Variants in SGCZ observed in about 807,000 individuals in gnomAD.
SGCZ encodes sarcoglycan zeta, also known as zeta-sarcoglycan.
SGCZ carries 40 observed loss-of-function variants against 41.3 expected under a neutral mutation model. That is an observed-to-expected ratio of 0.97 (90% CI 0.75 to 1.26). The LOEUF (loss-of-function observed/expected upper bound fraction) is 1.26, where lower values mean the gene tolerates loss of function less well. Among genes scored for constraint, SGCZ ranks in the 50% most tolerant of loss-of-function variants. The pLI is 0.00. For missense variants in SGCZ, 552 were observed against 369.8 expected (o/e 1.49, Z -4.04); for synonymous variants, 206 against 137.5 (o/e 1.50, Z -3.49).
rs574997277 is a variant in SGCZ, at chr8:14,621,500, T to G, written c.40-66574A>C. ...CAAAAAAAATAAAAATAAAATAAAA[T>G]AAAATACAAACTCAAAACAAAAAAA... On this transcript the variant is annotated intron_variant, in intron 1 of 7. Transcript: ENST00000382080. Among the ~76,000 whole-genome samples, 4 of 151,512 alleles carry G rather than the reference T, an allele frequency of 2.6e-5. No individual in the cohort carries two copies. The South Asian group carries it at 8.4e-4, about 32-fold the overall frequency.
chr8:15,042,621 G>C (rs1249361462), intron 1 of SGCZ, among the ~76,000 whole-genome samples: 6 of 152,010 alleles, frequency 3.9e-5, no homozygotes, highest in African/African-American at 1.5e-4. Flanking sequence ...GCCACTTTTG[G>C]ACAGTTTTCT....
In SGCZ at chr8:14,691,161, A is replaced by G. The variant is rs968794946; in HGVS notation, c.40-136235T>C. On this transcript the variant is annotated intron_variant, in intron 1 of 7. Coordinates refer to ENST00000382080, the MANE Select transcript of SGCZ (RefSeq NM_139167.4). ...ACATAACAGGATGTCTTTTTCTTCAATGATGAATGAAGTCTATCTAGATGA... is the reference window on the plus strand; with the variant it reads ...ACATAACAGGATGTCTTTTTCTTCAGTGATGAATGAAGTCTATCTAGATGA... 9.2e-5 allele frequency among the ~76,000 whole-genome samples: 14 copies of G among 152,214 alleles called. No homozygotes were observed. In the East Asian group the frequency reaches 1.5e-3, roughly 17 times the overall value.
intron 1 of SGCZ, among the ~76,000 whole-genome samples, chr8:14,803,093 C>T (rs1801379947): frequency 6.6e-6 from 1 of 152,158 alleles, no homozygotes; most frequent in Non-Finnish European, 1.5e-5. Flanking sequence ...CCCATGGGGC[C>T]TCAGGCAGTC....
At chr8:14,948,723 C>T (rs1326065510) in intron 1 of SGCZ, among the ~76,000 whole-genome samples, 1 of 152,166 alleles carries the variant, frequency 6.6e-6, no homozygotes, top group African/African-American at 2.4e-5. Flanking sequence ...CAACATTTCA[C>T]AAGACTAAGC....
intron 2 of SGCZ, among the ~76,000 whole-genome samples, chr8:14,337,643 G>A (rs1802550251): frequency 6.6e-6 from 1 of 152,172 alleles, no homozygotes; most frequent in Admixed American, 6.5e-5. Flanking sequence ...ATAGTGGAAT[G>A]AACATACTGG....
At chr8:14,714,170 T>C (rs1248264298) in intron 1 of SGCZ, among the ~76,000 whole-genome samples, 2 of 152,126 alleles carry the variant, frequency 1.3e-5, no homozygotes, top group Non-Finnish European at 2.9e-5. Context: ...GGTTTCACCA[T>C]GTTGGCCAGG....
At chr8:15,151,220 T>C (rs1221024034) in intron 1 of SGCZ, among the ~76,000 whole-genome samples, 3 of 152,196 alleles carry the variant, frequency 2.0e-5, no homozygotes, top group African/African-American at 7.2e-5. Flanking sequence ...CCTATTCTAA[T>C]CAAGGCTTCA....
At chr8:15,179,829 A>G (rs1211490003) in intron 1 of SGCZ, among the ~76,000 whole-genome samples, 1 of 152,192 alleles carries the variant, frequency 6.6e-6, no homozygotes, top group African/African-American at 2.4e-5. Flanking sequence ...TAGCAGAAGT[A>G]AAGGTACTTT....
chr8:14,534,111 C>T (rs191136806), intron 2 of SGCZ, among the ~76,000 whole-genome samples: 3 of 152,048 alleles, frequency 2.0e-5, no homozygotes, highest in South Asian at 2.1e-4. Context: ...ATACATCCTT[C>T]GGGAATCTAG....
chr8:14,170,650 A>G (rs186888711), intron 4 of SGCZ, among the ~76,000 whole-genome samples: 2 of 152,238 alleles, frequency 1.3e-5, no homozygotes, highest in Non-Finnish European at 2.9e-5. Context: ...ATATGTACAA[A>G]ATATTGTTTT....
chr8:14,872,696 C>G (rs1173447234), intron 1 of SGCZ, among the ~76,000 whole-genome samples: 1 of 152,080 alleles, frequency 6.6e-6, no homozygotes, highest in African/African-American at 2.4e-5. Flanking sequence ...ATCAACTAAA[C>G]TAACTTGTCT....
At chr8:14,897,781 C>T (rs1234464841) in intron 1 of SGCZ, among the ~76,000 whole-genome samples, 1 of 152,006 alleles carries the variant, frequency 6.6e-6, no homozygotes, top group African/African-American at 2.4e-5. Flanking sequence ...TGTCTCTATC[C>T]TTAGAAATAT....
At chr8:14,818,184 G>C (rs1417224088) in intron 1 of SGCZ, among the ~76,000 whole-genome samples, 1 of 152,064 alleles carries the variant, frequency 6.6e-6, no homozygotes, top group Non-Finnish European at 1.5e-5. Flanking sequence ...CATGAGCTCA[G>C]CTTAACAGCC....
At chr8:14,711,304 T>C (rs968971867) in intron 1 of SGCZ, among the ~76,000 whole-genome samples, 13 of 151,942 alleles carry the variant, frequency 8.6e-5, no homozygotes, top group South Asian at 8.3e-4. Flanking sequence ...AATGTACATA[T>C]GTTGGCCAGG....
intron 1 of SGCZ, among the ~76,000 whole-genome samples, chr8:14,831,554 GTTCAAC>G (rs1344963103): frequency 6.6e-6 from 1 of 151,808 alleles, no homozygotes; most frequent in African/African-American, 2.4e-5. Flanking sequence ...TGGGAAACAT[GTTCAAC>G]TTCATTAAGT....
chr8:14,467,093 ACT>A (rs1276004802), intron 2 of SGCZ, among the ~76,000 whole-genome samples: 1 of 151,022 alleles, frequency 6.6e-6, no homozygotes, highest in Non-Finnish European at 1.5e-5. Flanking sequence ...ATTCTTATAG[ACT>A]CTTCCCTTTT....
At chr8:15,172,152 C>CTTTT (rs1799851364) in intron 1 of SGCZ, among the ~76,000 whole-genome samples, 1 of 70,560 alleles carries the variant, frequency 1.4e-5, no homozygotes, top group African/African-American at 5.4e-5. Flanking sequence ...CTTTTATACT[C>CTTTT]TGTTTTTTTT....
intron 1 of SGCZ, among the ~76,000 whole-genome samples, chr8:15,032,907 C>G (rs1392864033): frequency 6.6e-6 from 1 of 151,794 alleles, no homozygotes; most frequent in African/African-American, 2.4e-5. Context: ...GGCTCCAGGC[C>G]TACCCCAGAA....
At chr8:14,514,902 C>T (rs1802576390) in intron 2 of SGCZ, among the ~76,000 whole-genome samples, 2 of 150,672 alleles carry the variant, frequency 1.3e-5, no homozygotes, top group Non-Finnish European at 3.0e-5. Context: ...TCCATTTGTT[C>T]TTTCTATTAT....
Sources: allele counts gnomAD v4.1 joint callset (sites outside exome capture counted in the v4.1 genomes callset), GRCh38; gene constraint gnomAD v4.1.1; transcripts MANE v1.5; gene names NCBI Gene and HGNC (gene_info 2026-07-23, HGNC 2026-07-21).